Variants in IGSF21 observed in about 807,000 individuals in gnomAD.
IGSF21 encodes immunoglobulin superfamily member 21.
IGSF21 carries 28 observed loss-of-function variants against 46.8 expected under a neutral mutation model. The ratio of observed to expected loss-of-function variants is 0.60; its 90% CI spans 0.44 to 0.82. The LOEUF (loss-of-function observed/expected upper bound fraction) is 0.82, where lower values mean the gene tolerates loss of function less well. IGSF21 is among the 40% of genes least tolerant of loss of function. IGSF21 has a pLI of 0.00. For missense variants in IGSF21, 624 were observed against 665.5 expected (o/e 0.94, Z 0.69); for synonymous variants, 284 against 273.6 (o/e 1.04, Z -0.38).
At chr1:18,280,692 A>G (rs2085150264) in intron 2 of IGSF21, among the ~76,000 whole-genome samples, 1 of 152,060 alleles carries the variant, frequency 6.6e-6, no homozygotes, top group Non-Finnish European at 1.5e-5. Context: ...CCAGAGCCTA[A>G]CCACTACCAA....
Position 18,335,826 on chromosome 1 carries a change from G to A in IGSF21, c.424+816G>A, listed in dbSNP as rs542405488. ...TCTGGGGAAATTGAAAACCTCCAAA[G>A]GCCAGACCTCCAGAGGGACATTGAT... is the stretch of plus-strand genomic sequence containing the variant. On this transcript the variant is annotated intron_variant, in intron 4 of 9. Coordinates refer to ENST00000251296, the MANE Select transcript of IGSF21 (RefSeq NM_032880.5). The surrounding 1 kb of genome is among the most constrained non-coding windows in gnomAD (Gnocchi z 4.8). Among the ~76,000 whole-genome samples the A allele has an allele frequency of 6.6e-6, 1 of 152,326 alleles. No individual in the cohort carries two copies. The highest frequency in any genetic ancestry group is 6.5e-5 in the Admixed American group (1 of 15,308).
At chr1:18,307,461 G>A (rs1036378306) in intron 3 of IGSF21, among the ~76,000 whole-genome samples, 9 of 152,174 alleles carry the variant, frequency 5.9e-5, no homozygotes, top group African/African-American at 2.2e-4. Flanking sequence ...AACGAAGCAG[G>A]TCCTGTTATG....
intron 3 of IGSF21, among the ~76,000 whole-genome samples, chr1:18,294,756 A>G (rs2085296680): frequency 2.0e-5 from 3 of 152,188 alleles, no homozygotes; most frequent in South Asian, 2.1e-4. Flanking sequence ...CTGTTTGGTG[A>G]CCACCAAGGG....
chr1:18,160,775 G>A (rs79331518), intron 1 of IGSF21, among the ~76,000 whole-genome samples: 4,407 of 152,248 alleles, frequency 0.029, 237 homozygotes, highest in African/African-American at 0.1. Context: ...CCCTGCACCC[G>A]CAGCCACCCA....
At chr1:18,223,732 G>T (rs1056952023) in intron 1 of IGSF21, among the ~76,000 whole-genome samples, 1 of 152,184 alleles carries the variant, frequency 6.6e-6, no homozygotes, top group Non-Finnish European at 1.5e-5. Context: ...CATGGTCGTG[G>T]CATCGTACAA....
intron 1 of IGSF21, among the ~76,000 whole-genome samples, chr1:18,131,851 T>C (rs1444829994): frequency 6.6e-6 from 1 of 152,128 alleles, no homozygotes; most frequent in Non-Finnish European, 1.5e-5. Context: ...ATGGTTCATA[T>C]ACAAAGGTCA....
In IGSF21 at chr1:18,299,246, A is replaced by C. The variant is rs112785573; in HGVS notation, c.305+7259A>C. On this transcript the variant is annotated intron_variant, in intron 3 of 9. Coordinates refer to ENST00000251296, the MANE Select transcript of IGSF21 (RefSeq NM_032880.5). ...ACTCTATGGGCAGACAATGGCTTCTAAGCGGAAGCTCTCTGGAATCTGTTC... is the reference window on the plus strand; with the variant it reads ...ACTCTATGGGCAGACAATGGCTTCTCAGCGGAAGCTCTCTGGAATCTGTTC... Among the ~76,000 whole-genome samples, 662 of 152,344 alleles carry C rather than the reference A, an allele frequency of 4.3e-3. 8 individuals are homozygous for C. The highest frequency in any genetic ancestry group is 0.015 in the African/African-American group (625 of 41,574).
chr1:18,200,412 G>A (rs566180324), intron 1 of IGSF21, among the ~76,000 whole-genome samples: 57 of 152,228 alleles, frequency 3.7e-4, no homozygotes, highest in African/African-American at 1.3e-3. Flanking sequence ...CCAAGATCGA[G>A]GTGTGGGTGG....
At chr1:18,273,430 CTTTCT>C (rs2085065444) in intron 2 of IGSF21, among the ~76,000 whole-genome samples, 1 of 118,234 alleles carries the variant, frequency 8.5e-6, no homozygotes, top group African/African-American at 3.5e-5. Flanking sequence ...CTTTCCTTTC[CTTTCT>C]TTCTTTCTCA....
chr1:18,284,337 T>C (rs1258074215), intron 2 of IGSF21, among the ~76,000 whole-genome samples: 1 of 152,214 alleles, frequency 6.6e-6, no homozygotes, highest in Non-Finnish European at 1.5e-5. Flanking sequence ...CAAATGCACA[T>C]TGAGCATGTA....
chr1:18,305,558 G>GGATGGATGGATA (rs2085416738), intron 3 of IGSF21, among the ~76,000 whole-genome samples: 1 of 149,296 alleles, frequency 6.7e-6, no homozygotes, highest in Admixed American at 6.7e-5. Flanking sequence ...ATGGATGGAT[G>GGATGGATGGATA]GATGGATGGA....
In IGSF21 at chr1:18,337,242, G is replaced by A. The variant is rs2085778288; in HGVS notation, c.424+2232G>A. On this transcript the variant is annotated intron_variant, in intron 4 of 9. Coordinates refer to ENST00000251296, the MANE Select transcript of IGSF21 (RefSeq NM_032880.5). This position sits in a 1 kb window ranked among gnomAD's most constrained non-coding sequence, Gnocchi z 5.7. Reference sequence around the variant, plus strand: ...CTCAGGTTGCACAACTGGCCTGATGGTCTCTGCTGAGCAAGGGAGTGTGCT... The same window carrying A: ...CTCAGGTTGCACAACTGGCCTGATGATCTCTGCTGAGCAAGGGAGTGTGCT... Among the ~76,000 whole-genome samples, 3 of 152,216 alleles carry A rather than the reference G, an allele frequency of 2.0e-5. No individual in the cohort carries two copies. The South Asian group carries it at 6.2e-4, about 32-fold the overall frequency.
chr1:18,374,545 G>T (rs1238802005), intron 6 of IGSF21, among the ~76,000 whole-genome samples: 1 of 152,186 alleles, frequency 6.6e-6, no homozygotes, highest in Non-Finnish European at 1.5e-5. Context: ...CGACTGGCTG[G>T]CAGATGCAGC....
intron 1 of IGSF21, among the ~76,000 whole-genome samples, chr1:18,156,950 C>A (rs1363184503): frequency 6.6e-6 from 1 of 152,094 alleles, no homozygotes; most frequent in East Asian, 1.9e-4. Flanking sequence ...TGTGGTGAAA[C>A]CTGTCTCTAC....
intron 2 of IGSF21, among the ~76,000 whole-genome samples, chr1:18,229,435 A>C (rs181340062): frequency 6.6e-6 from 1 of 152,324 alleles, no homozygotes. Context: ...GCTTTGAACC[A>C]GCCTGTCTTG....
At position 18,108,151 on chromosome 1, in the gene IGSF21, G is replaced by A; in HGVS notation, c.23G>A (p.Arg8His). 2 of 1,443,270 alleles carry A rather than the reference G, an allele frequency of 1.4e-6. No homozygotes were observed. Among genetic ancestry groups the A allele is most frequent in the Non-Finnish European group, 1.8e-6 (2 of 1,100,468 alleles). 89.4% of individuals were successfully genotyped at this position (1,443,270 alleles called of 1,614,324 possible). Residue 8 changes from arginine to histidine, a missense_variant, in exon 1 of 10, where the codon CGC becomes CAC. Arg to His is a conservative substitution (Grantham distance 29, BLOSUM62 0). Coordinates refer to ENST00000251296, the MANE Select transcript of IGSF21 (RefSeq NM_032880.5). MRTAPSL[R>H]RCVCLLLAAI... ...ACCATGCGAACCGCCCCGAGCCTCC[G>A]CCGCTGCGTCTGCCTGCTGCTCGCC...
chr1:18,178,314 T>A (rs2124466622), intron 1 of IGSF21, among the ~76,000 whole-genome samples: 1 of 152,288 alleles, frequency 6.6e-6, no homozygotes, highest in East Asian at 1.9e-4. Flanking sequence ...GAAGAGGAAG[T>A]GAAACCATAA....
intron 2 of IGSF21, among the ~76,000 whole-genome samples, chr1:18,258,904 A>G (rs953164974): frequency 1.3e-4 from 20 of 152,206 alleles, no homozygotes; most frequent in Non-Finnish European, 2.6e-4. Flanking sequence ...TGATTCTGAA[A>G]GAGTAACCAG....
intron 1 of IGSF21, among the ~76,000 whole-genome samples, chr1:18,120,495 A>G (rs1428679847): frequency 6.6e-6 from 1 of 152,238 alleles, no homozygotes; most frequent in Non-Finnish European, 1.5e-5. Context: ...GGGTCCAAGT[A>G]GCAGAGATCC....
Sources: gnomAD v4.1 joint callset for allele counts (sites outside exome capture counted in the v4.1 genomes callset) on GRCh38, gnomAD v4.1.1 for gene constraint, Gnocchi (gnomAD v3.1) non-coding constraint, MANE v1.5 for transcripts, NCBI Gene and HGNC (gene_info 2026-07-23, HGNC 2026-07-21) for gene names.